Variants in OSBPL3 observed in about 807,000 individuals in gnomAD.
OSBPL3 encodes the protein oxysterol-binding protein-related protein 3.
A neutral mutation model predicts 120.1 loss-of-function variants in OSBPL3; 65 were observed. That is an observed-to-expected ratio of 0.54 (90% CI 0.44 to 0.67). The LOEUF (loss-of-function observed/expected upper bound fraction) is 0.67. OSBPL3 is among the 30% of genes least tolerant of loss of function. OSBPL3 has a pLI of 0.00. For synonymous variants in OSBPL3, 416 were observed against 402.6 expected, an observed-to-expected ratio of 1.03 and a Z score of -0.40; for missense variants, 1,004 against 1,082.1, an observed-to-expected ratio of 0.93 and a Z score of 1.01.
Position 24,965,527 on chromosome 7 carries a change from C to T in OSBPL3, c.-150+14359G>A, listed in dbSNP as rs1816269737. The stretch of plus-strand genomic sequence containing the variant: ...GTTCTTCTCGGAATCAGAATGGACT[C>T]CAGGCTGGTTAAGACTTGGTCTTCT... On this transcript the variant is annotated intron_variant, in intron 1 of 22. Transcript: ENST00000313367. This position sits in a 1 kb window ranked among gnomAD's most constrained non-coding sequence, Gnocchi z 4.3. Among the ~76,000 whole-genome samples the T allele has an allele frequency of 6.6e-6, 1 of 152,114 alleles. No individual in the cohort carries two copies. Among genetic ancestry groups the T allele is most frequent in the African/African-American group, 2.4e-5 (1 of 41,404 alleles).
intron 1 of OSBPL3, among the ~76,000 whole-genome samples, chr7:24,917,401 C>CATATATATATAT (rs59525014): frequency 0.048 from 4,768 of 99,744 alleles, 146 homozygotes; most frequent in Middle Eastern, 0.09. Context: ...ATATTTGTAA[C>CATATATATATAT]ATATATATAT....
rs1802122808 is a variant in OSBPL3 at position 24,871,616 on chromosome 7, T to C, written c.267+126A>G. The C allele has an allele frequency of 4.2e-6, 3 of 722,594 alleles. No homozygotes were observed. Among genetic ancestry groups the C allele is most frequent in the Non-Finnish European group, 4.7e-6 (2 of 422,690 alleles). The allele number at this position is 722,594 out of a possible 1,614,324, so 44.8% of individuals were successfully genotyped here. A position where few individuals can be genotyped will look rare whatever the true frequency, so the allele number is the denominator to read the frequency against. ...CTGGAACCCAGAGCTCAGACAGAAGTGTTTCCCCTCTATGGTTTCCAGTTC... is the reference window on the plus strand; with the variant it reads ...CTGGAACCCAGAGCTCAGACAGAAGCGTTTCCCCTCTATGGTTTCCAGTTC... On this transcript the variant is annotated intron_variant, in intron 4 of 22. Transcript: ENST00000313367. The surrounding 1 kb of genome is among the most constrained non-coding windows in gnomAD (Gnocchi z 4.8).
At chr7:24,865,001 C>T (rs1004494442) in intron 7 of OSBPL3, among the ~76,000 whole-genome samples, 1 of 151,742 alleles carries the variant, frequency 6.6e-6, no homozygotes, top group Admixed American at 6.6e-5. Flanking sequence ...CTGATCACTC[C>T]CTCACCTCTA....
At chr7:24,978,527 G>A (rs1281379948) in intron 1 of OSBPL3, among the ~76,000 whole-genome samples, 1 of 152,160 alleles carries the variant, frequency 6.6e-6, no homozygotes, top group Non-Finnish European at 1.5e-5. Flanking sequence ...TGGCTTGGCT[G>A]GAGGGGATGG....
intron 22 of OSBPL3, among the ~76,000 whole-genome samples, chr7:24,800,864 A>G (rs1211164101): frequency 6.6e-6 from 1 of 151,888 alleles, no homozygotes; most frequent in African/African-American, 2.4e-5. Context: ...CATAACTTGC[A>G]TGACTGTCAG....
At chr7:24,811,970 ATACATTTGTATTTCTACCTTTGC>A (rs1793858589) in intron 19 of OSBPL3, among the ~76,000 whole-genome samples, 1 of 152,212 alleles carries the variant, frequency 6.6e-6, no homozygotes. Context: ...TTTGTGTAAG[ATACATTTGTATTTCTACCTTTGC>A]TACATACAAT....
chr7:24,836,785 T>A (rs181333494), intron 14 of OSBPL3, among the ~76,000 whole-genome samples: 83 of 152,338 alleles, frequency 5.4e-4, no homozygotes, highest in African/African-American at 1.9e-3. Flanking sequence ...ACACTGTGCA[T>A]CTCATGTTAA....
At position 24,834,098 on chromosome 7, in the gene OSBPL3, A is replaced by G; in HGVS notation, c.1746+388T>C. The G allele has an allele frequency of 2.0e-6, 2 of 996,154 alleles. No homozygotes were observed. The highest frequency in any genetic ancestry group is 2.4e-6 in the Non-Finnish European group (2 of 833,980). 61.7% of individuals were successfully genotyped at this position (996,154 alleles called of 1,614,324 possible). A position where few individuals can be genotyped will look rare whatever the true frequency, so the allele number is the denominator to read the frequency against. Reference sequence around the variant, plus strand: ...CAGGGGAAACTTACCCTGGATGAGAAAAACAGCTCGAGAAATTAAATTCTG... The same window carrying G: ...CAGGGGAAACTTACCCTGGATGAGAGAAACAGCTCGAGAAATTAAATTCTG... On this transcript the variant is annotated intron_variant, in intron 15 of 22. Coordinates refer to ENST00000313367, the MANE Select transcript of OSBPL3 (RefSeq NM_015550.4). The surrounding 1 kb of genome is among the most constrained non-coding windows in gnomAD (Gnocchi z 5.2).
At chr7:24,826,678 G>GT (rs1562782988) in intron 16 of OSBPL3, among the ~76,000 whole-genome samples, 2 of 152,120 alleles carry the variant, frequency 1.3e-5, no homozygotes, top group African/African-American at 4.8e-5. Flanking sequence ...ACAGAGCGCC[G>GT]TTTTGGAGAT....
intron 2 of OSBPL3, among the ~76,000 whole-genome samples, chr7:24,874,850 C>G (rs1802631406): frequency 6.6e-6 from 1 of 152,162 alleles, no homozygotes; most frequent in Admixed American, 6.5e-5. Flanking sequence ...TCCAAATCTG[C>G]CCCCTGCCTC....
At chr7:24,858,045 T>C (rs538358041) in intron 10 of OSBPL3, among the ~76,000 whole-genome samples, 46 of 152,378 alleles carry the variant, frequency 3.0e-4, no homozygotes, top group African/African-American at 1.1e-3. Flanking sequence ...TCTGCTTATA[T>C]GTGTGTGAAC....
At chr7:24,839,827 G>A (rs113071666) in intron 14 of OSBPL3, among the ~76,000 whole-genome samples, 3,067 of 151,260 alleles carry the variant, frequency 0.02, 123 homozygotes, top group African/African-American at 0.071. Flanking sequence ...CGTCTCCACC[G>A]AAAAATACAA....
intron 1 of OSBPL3, among the ~76,000 whole-genome samples, chr7:24,929,028 A>C (rs922711697): frequency 2.6e-5 from 4 of 152,206 alleles, no homozygotes; most frequent in African/African-American, 7.2e-5. Context: ...GACGGGCCAG[A>C]GGGTAAGCGT....
chr7:24,801,098 G>A (rs554193803), intron 22 of OSBPL3, among the ~76,000 whole-genome samples: 24 of 151,656 alleles, frequency 1.6e-4, no homozygotes, highest in East Asian at 7.8e-4. Flanking sequence ...AAAATTAGCC[G>A]GGCATGGTGG....
In OSBPL3 at chr7:24,804,403, T is replaced by C. The variant is rs371282211; in HGVS notation, c.2479A>G (p.Ile827Val). Residue 827 changes from isoleucine (I) to valine (V), a missense_variant, in exon 22 of 23, where the codon ATA becomes GTA. Around this residue, in one of 4 missense-constraint regions of OSBPL3, gnomAD observed 473 missense variants for 568.0 expected, o/e 0.83. Transcript: ENST00000313367. This position sits in a 1 kb window ranked among gnomAD's most constrained non-coding sequence, Gnocchi z 5.4. ...LEEGNLEEAE[I>V]QKQRIEQLQR... ...AGTTGTTCAATCCTCTGCTTTTGTA[T>C]TTCAGCTTCTTCTAAGTTCCCTTCC... 9 of 1,613,950 alleles carry C rather than the reference T, an allele frequency of 5.6e-6. No individual in the cohort carries two copies. The African/African-American group carries it at 9.3e-5, about 17-fold the overall frequency.
At chr7:24,931,656 A>T (rs1246878284) in intron 1 of OSBPL3, among the ~76,000 whole-genome samples, 1 of 151,032 alleles carries the variant, frequency 6.6e-6, no homozygotes, top group East Asian at 2.1e-4. Context: ...GAAAGAAAAT[A>T]AAATTGTGTT....
chr7:24,925,353 C>T (rs1233345409), intron 1 of OSBPL3, among the ~76,000 whole-genome samples: 1 of 152,236 alleles, frequency 6.6e-6, no homozygotes, highest in Non-Finnish European at 1.5e-5. Flanking sequence ...GGGGTGATGT[C>T]TGCCTATAAT....
chr7:24,800,581 C>T (rs1418558059), intron 22 of OSBPL3, among the ~76,000 whole-genome samples: 5 of 151,594 alleles, frequency 3.3e-5, no homozygotes, highest in Non-Finnish European at 5.9e-5. Flanking sequence ...CTCAGCCTCC[C>T]GAGTAGCTGG....
Position 24,965,302 on chromosome 7 carries a change from A to C in OSBPL3, c.-150+14584T>G, listed in dbSNP as rs113238882. On this transcript the variant is annotated intron_variant, in intron 1 of 22. Coordinates refer to ENST00000313367, the MANE Select transcript of OSBPL3 (RefSeq NM_015550.4). The surrounding 1 kb of genome is among the most constrained non-coding windows in gnomAD (Gnocchi z 4.3). ...TCTAGATATAAGTATGAGCTCAACT[A>C]TTTTTGCCCCTAGGGTAAGTCAGTC... Among the ~76,000 whole-genome samples, 4,163 of 152,262 alleles carry C rather than the reference A, an allele frequency of 0.027. 204 individuals are homozygous for C. The highest frequency in any genetic ancestry group is 0.096 in the African/African-American group (3,977 of 41,518).
Sources: gnomAD v4.1 joint callset for allele counts (sites outside exome capture counted in the v4.1 genomes callset) on GRCh38, gnomAD v4.1.1 for gene constraint, gnomAD v4.1.1 regional missense constraint, Gnocchi (gnomAD v3.1) non-coding constraint, MANE v1.5 for transcripts, NCBI Gene and HGNC (gene_info 2026-07-23, HGNC 2026-07-21) for gene names.